XKR6: variants seen among roughly 807,000 people sequenced by gnomAD.
XKR6 encodes the protein XK-related protein 6.
XKR6 carries 22 observed loss-of-function variants against 56.7 expected under a neutral mutation model. The ratio of observed to expected loss-of-function variants is 0.39; its 90% CI spans 0.28 to 0.55. The LOEUF (loss-of-function observed/expected upper bound fraction) is 0.55, where lower values mean the gene tolerates loss of function less well. Among genes scored for constraint, XKR6 ranks in the 20% least tolerant of loss-of-function variants. The pLI, the probability that XKR6 is intolerant of heterozygous loss-of-function variation, is 0.66. For missense variants in XKR6, 852 were observed against 889.0 expected (o/e 0.96, Z 0.53); for synonymous variants, 524 against 387.8 (o/e 1.35, Z -4.13).
chr8:11,107,243 G>A (rs534120712), intron 1 of XKR6, among the ~76,000 whole-genome samples: 2 of 151,604 alleles, frequency 1.3e-5, no homozygotes, highest in South Asian at 4.2e-4. Context: ...TCCATCGCCT[G>A]GGATGAAGTG....
At chr8:11,101,824 C>T (rs1051514894) in intron 1 of XKR6, among the ~76,000 whole-genome samples, 1 of 152,140 alleles carries the variant, frequency 6.6e-6, no homozygotes, top group African/African-American at 2.4e-5. Flanking sequence ...CTGGAGTGTC[C>T]TCCTAAGCCC....
chr8:11,041,014 G>A (rs747695705), intron 1 of XKR6, among the ~76,000 whole-genome samples: 1 of 152,022 alleles, frequency 6.6e-6, no homozygotes, highest in African/African-American at 2.4e-5. Context: ...GGGCTGCAGG[G>A]ACCTAGGGGC....
At chr8:11,005,860 T>C (rs1798356119) in intron 1 of XKR6, among the ~76,000 whole-genome samples, 1 of 149,596 alleles carries the variant, frequency 6.7e-6, no homozygotes, top group Admixed American at 6.6e-5. Flanking sequence ...TTTTTTTTTT[T>C]TGAGATGGAG....
intron 1 of XKR6, among the ~76,000 whole-genome samples, chr8:11,097,807 C>CAAAAAAAAAA (rs1196874380): frequency 2.2e-4 from 14 of 62,950 alleles, no homozygotes; most frequent in African/African-American, 6.4e-4. Flanking sequence ...GACTCCATCT[C>CAAAAAAAAAA]AAAAAAAAAA....
At chr8:11,088,916 A>G (rs1563128212) in intron 1 of XKR6, among the ~76,000 whole-genome samples, 4 of 152,232 alleles carry the variant, frequency 2.6e-5, no homozygotes, top group African/African-American at 9.6e-5. Flanking sequence ...GGCAGGGCAA[A>G]TCAGGGTAGG....
At chr8:10,961,100 G>C (rs752219431) in intron 1 of XKR6, among the ~76,000 whole-genome samples, 12 of 152,184 alleles carry the variant, frequency 7.9e-5, no homozygotes, top group Non-Finnish European at 1.6e-4. Flanking sequence ...GGCAGGGACA[G>C]AGCATGAGGC....
chr8:11,179,354 C>A (rs1802847689), intron 1 of XKR6, among the ~76,000 whole-genome samples: 1 of 152,138 alleles, frequency 6.6e-6, no homozygotes, highest in Non-Finnish European at 1.5e-5. Context: ...ACAGAAAAGA[C>A]AGATTAAAAT....
intron 1 of XKR6, among the ~76,000 whole-genome samples, chr8:10,972,368 G>T (rs549859642): frequency 6.6e-5 from 10 of 152,332 alleles, no homozygotes; most frequent in African/African-American, 2.4e-4. Context: ...AAATGGAAAG[G>T]ACAGATATGT....
intron 1 of XKR6, among the ~76,000 whole-genome samples, chr8:11,118,776 T>C (rs913878405): frequency 6.6e-6 from 1 of 152,222 alleles, no homozygotes; most frequent in Non-Finnish European, 1.5e-5. Context: ...GATTCACTGA[T>C]TTTTTGAAGG....
chr8:11,011,257 A>G (rs976239587), intron 1 of XKR6, among the ~76,000 whole-genome samples: 1 of 152,208 alleles, frequency 6.6e-6, no homozygotes, highest in African/African-American at 2.4e-5. Flanking sequence ...CATCAGTGCC[A>G]TCACACAGCA....
intron 2 of XKR6, among the ~76,000 whole-genome samples, chr8:10,903,302 C>T (rs1057473479): frequency 6.6e-6 from 1 of 152,160 alleles, no homozygotes; most frequent in Non-Finnish European, 1.5e-5. Context: ...GGGCCATCAG[C>T]GAAGGGTGCC....
intron 2 of XKR6, among the ~76,000 whole-genome samples, chr8:10,900,351 C>G (rs945520968): frequency 5.3e-5 from 8 of 152,192 alleles, no homozygotes; most frequent in African/African-American, 1.9e-4. Flanking sequence ...CTCTCCGAAG[C>G]CCGATGAAGA....
intron 1 of XKR6, among the ~76,000 whole-genome samples, chr8:11,180,324 G>A (rs556352105): frequency 6.6e-6 from 1 of 152,174 alleles, no homozygotes; most frequent in African/African-American, 2.4e-5. Flanking sequence ...TGACTGTCCA[G>A]GTCAGGTTTC....
At chr8:11,063,188 A>AC (rs903050419) in intron 1 of XKR6, 2 of 163,890 alleles carry the variant, frequency 1.2e-5, no homozygotes, top group African/African-American at 2.5e-5. Context: ...CATAAGTGAG[A>AC]CCCCGTCTCT....
At chr8:11,046,854 T>C (rs528954784) in intron 1 of XKR6, among the ~76,000 whole-genome samples, 11 of 152,344 alleles carry the variant, frequency 7.2e-5, no homozygotes, top group African/African-American at 2.2e-4. Context: ...ACAACATGGA[T>C]GAACCTGGAG....
intron 1 of XKR6, among the ~76,000 whole-genome samples, chr8:11,054,127 G>A (rs1799622685): frequency 6.6e-6 from 1 of 152,218 alleles, no homozygotes; most frequent in Non-Finnish European, 1.5e-5. Context: ...GCACTGTCAT[G>A]GTTGCTGGCA....
intron 1 of XKR6, among the ~76,000 whole-genome samples, chr8:11,142,993 A>C (rs1800782689): frequency 6.6e-6 from 1 of 152,262 alleles, no homozygotes; most frequent in African/African-American, 2.4e-5. Context: ...TGTAAATAAA[A>C]GGAAAGAATC....
At chr8:11,015,643 T>A (rs10216472) in intron 1 of XKR6, among the ~76,000 whole-genome samples, 1 of 151,958 alleles carries the variant, frequency 6.6e-6, no homozygotes, top group Non-Finnish European at 1.5e-5. Context: ...GCTGGCTGCG[T>A]TCGGGACCCA....
intron 2 of XKR6, among the ~76,000 whole-genome samples, chr8:10,905,684 G>C (rs1800169907): frequency 1.3e-5 from 2 of 151,924 alleles, no homozygotes; most frequent in South Asian, 4.2e-4. Context: ...CTCCCTCCTG[G>C]GGAAGCTAAC....
Sources: allele counts gnomAD v4.1 joint callset (sites outside exome capture counted in the v4.1 genomes callset), GRCh38; gene constraint gnomAD v4.1.1; transcripts MANE v1.5; gene names NCBI Gene and HGNC (gene_info 2026-07-23, HGNC 2026-07-21).